The following ZNRF3 variants were observed in gnomAD, a reference collection of about 807,000 sequenced individuals.
The protein encoded by ZNRF3 is zinc and ring finger 3, also known as E3 ubiquitin-protein ligase ZNRF3.
Under a neutral mutation model 72.5 loss-of-function variants are expected in ZNRF3, and 23 were observed. The observed-to-expected ratio is 0.32, with a 90% CI of 0.23 to 0.45. The LOEUF is 0.45. Ranked by LOEUF, ZNRF3 falls within the 20% of genes least tolerant of loss-of-function variation. The pLI, the probability that ZNRF3 is intolerant of heterozygous loss-of-function variation, is 1.00. For synonymous variants in ZNRF3, 610 were observed against 545.3 expected (o/e 1.12, Z -1.65); for missense variants, 1,169 against 1,272.1 (o/e 0.92, Z 1.23).
chr22:28,897,801 A>G (rs1187526573), intron 1 of ZNRF3, among the ~76,000 whole-genome samples: 1 of 152,098 alleles, frequency 6.6e-6, no homozygotes, highest in East Asian at 1.9e-4. Flanking sequence ...GAATCAGAGC[A>G]CTCCATCTCC....
chr22:28,976,443 C>G (rs957806914), intron 1 of ZNRF3, among the ~76,000 whole-genome samples: 7 of 152,072 alleles, frequency 4.6e-5, no homozygotes, highest in Admixed American at 3.3e-4. Flanking sequence ...GAAGTCCTGG[C>G]TGCAGTGAGC....
chr22:28,909,747 A>ATTTTTTTTTTTTTTT (rs11432409), intron 1 of ZNRF3, among the ~76,000 whole-genome samples: 1 of 113,890 alleles, frequency 8.8e-6, no homozygotes. Flanking sequence ...TGCCTGGCTA[A>ATTTTTTTTTTTTTTT]TTTTTTTTTT....
intron 1 of ZNRF3, among the ~76,000 whole-genome samples, chr22:28,904,454 A>G (rs970175100): frequency 1.3e-5 from 2 of 152,238 alleles, no homozygotes; most frequent in African/African-American, 4.8e-5. Flanking sequence ...CGCTCCTCAG[A>G]TCACAGGCTC....
chr22:28,974,744 C>G (rs1381671497), intron 1 of ZNRF3, among the ~76,000 whole-genome samples: 1 of 152,190 alleles, frequency 6.6e-6, no homozygotes, highest in Non-Finnish European at 1.5e-5. Flanking sequence ...CTTCCAGGCT[C>G]AAGCAATCCT....
chr22:29,056,210 TC>T lies in ZNRF3; in HGVS notation c.*2590del, dbSNP rs1187552029. 2.0e-5 allele frequency: 3 copies of T among 152,130 alleles called. No homozygotes were observed. The highest frequency in any genetic ancestry group is 1.9e-4 in the East Asian group (1 of 5,180). The allele number at this position is 152,130 out of a possible 1,614,324, so 9.4% of individuals were successfully genotyped here. A position where few individuals can be genotyped will look rare whatever the true frequency, so the allele number is the denominator to read the frequency against. ...TCTGCCTCCCGGGTCCAAGTGATTC[TC>T]CTGCCTCAGCCTCCCAAGTAGCTGG... On this transcript the variant is annotated 3_prime_UTR_variant, in exon 9 of 9. Coordinates refer to ENST00000544604, the MANE Select transcript of ZNRF3 (RefSeq NM_001206998.2).
intron 1 of ZNRF3, among the ~76,000 whole-genome samples, chr22:28,982,028 C>G (rs2123823516): frequency 6.6e-6 from 1 of 152,180 alleles, no homozygotes; most frequent in East Asian, 1.9e-4. Context: ...AGAGGACTCT[C>G]ACTTTTTCCA....
At chr22:29,052,432 C>T (rs561207694) in intron 8 of ZNRF3, among the ~76,000 whole-genome samples, 4 of 152,270 alleles carry the variant, frequency 2.6e-5, no homozygotes, top group African/African-American at 7.2e-5. Flanking sequence ...CGGTGATTCA[C>T]GCCTGTAATC....
At position 29,044,817 on chromosome 22, in the gene ZNRF3, C is replaced by G; in HGVS notation, c.671C>G (p.Ala224Gly). 1 of 1,614,142 alleles carries G rather than the reference C, an allele frequency of 6.2e-7. No individual in the cohort carries two copies. The highest frequency in any genetic ancestry group is 8.5e-7 in the Non-Finnish European group (1 of 1,180,022). Residue 224 changes from alanine (A) to glycine (G), a missense_variant, in exon 5 of 9, where the codon GCT (alanine) becomes GGT (glycine). Physicochemically the swap from Ala to Gly is moderately conservative, Grantham distance 60. Transcript: ENST00000544604. ...TEYFDMGIFL[A>G]FFVVVSLVCL... ...TACTTTGACATGGGGATTTTCCTGG[C>G]TTTCTTCGTCGTGGTCTCCTTGGTC...
intron 2 of ZNRF3, among the ~76,000 whole-genome samples, chr22:29,032,534 A>G (rs2036782580): frequency 6.6e-6 from 1 of 152,224 alleles, no homozygotes; most frequent in African/African-American, 2.4e-5. Context: ...CAGTAATAAG[A>G]AACCGAATCC....
At chr22:28,921,288 G>C (rs560317284) in intron 1 of ZNRF3, among the ~76,000 whole-genome samples, 265 of 152,188 alleles carry the variant, frequency 1.7e-3, no homozygotes, top group African/African-American at 6.1e-3. Context: ...TCGGCTGCCA[G>C]ATGTGCTCCC....
chr22:28,943,899 T>C (rs1407943845), intron 1 of ZNRF3, among the ~76,000 whole-genome samples: 1 of 152,134 alleles, frequency 6.6e-6, no homozygotes, highest in African/African-American at 2.4e-5. Flanking sequence ...GGACAGCTTA[T>C]GATGTTCCGT....
At chr22:28,966,544 A>C (rs2035463357) in intron 1 of ZNRF3, among the ~76,000 whole-genome samples, 1 of 152,216 alleles carries the variant, frequency 6.6e-6, no homozygotes, top group Non-Finnish European at 1.5e-5. Flanking sequence ...CAAGATGGAC[A>C]CAGAAGACAG....
intron 2 of ZNRF3, among the ~76,000 whole-genome samples, chr22:29,035,446 G>A (rs1419843961): frequency 6.6e-6 from 1 of 152,234 alleles, no homozygotes; most frequent in African/African-American, 2.4e-5. Context: ...GGAATGATAT[G>A]TGTAGCTGGT....
chr22:29,040,211 A>T (rs908724349), intron 2 of ZNRF3, among the ~76,000 whole-genome samples: 15 of 149,350 alleles, frequency 1.0e-4, no homozygotes, highest in Non-Finnish European at 7.4e-5. Flanking sequence ...GCAGAGTCTC[A>T]CTCTGTCGCC....
chr22:29,024,304 A>ATTTTTTTTTTTTTTTTTTTTTTTTTTTT (rs1466031703), intron 2 of ZNRF3, among the ~76,000 whole-genome samples: 1 of 59,338 alleles, frequency 1.7e-5, no homozygotes. Context: ...TTTTGCTTTC[A>ATTTTTTTTTTTTTTTTTTTTTTTTTTTT]ATTTTCTGCA....
chr22:29,050,985 T>G (rs1601718248), intron 8 of ZNRF3, 37 bp downstream of exon 8: 1 of 1,494,528 alleles, frequency 6.7e-7, no homozygotes, highest in Non-Finnish European at 8.9e-7. Flanking sequence ...AGAGCAGGAG[T>G]TTCCATCAGG....
intron 1 of ZNRF3, among the ~76,000 whole-genome samples, chr22:28,957,349 G>A (rs1470701793): frequency 6.6e-6 from 1 of 152,192 alleles, no homozygotes; most frequent in Non-Finnish European, 1.5e-5. Flanking sequence ...CACAATGCAT[G>A]TATGTTACCC....
At chr22:28,963,559 A>T (rs748544324) in intron 1 of ZNRF3, among the ~76,000 whole-genome samples, 3 of 152,196 alleles carry the variant, frequency 2.0e-5, no homozygotes, top group Non-Finnish European at 4.4e-5. Flanking sequence ...GGCAAGTGGC[A>T]TAAGGGCCCC....
At chr22:28,943,322 C>T (rs1381222480) in intron 1 of ZNRF3, among the ~76,000 whole-genome samples, 2 of 152,168 alleles carry the variant, frequency 1.3e-5, no homozygotes, top group Non-Finnish European at 2.9e-5. Flanking sequence ...GCTGCCTCTA[C>T]ACTTGCTTCC....
Sources: allele counts gnomAD v4.1 joint callset (sites outside exome capture counted in the v4.1 genomes callset), GRCh38; gene constraint gnomAD v4.1.1; transcripts MANE v1.5; gene names NCBI Gene and HGNC (gene_info 2026-07-23, HGNC 2026-07-21).